The following PRKD1 variants were observed in gnomAD, a reference collection of about 807,000 sequenced individuals.
PRKD1 encodes the protein protein kinase D1, also known as serine/threonine-protein kinase D1.
Under a neutral mutation model 95.9 loss-of-function variants are expected in PRKD1, and 63 were observed. That is an observed-to-expected ratio of 0.66 (90% CI 0.54 to 0.81). The LOEUF is 0.81. Among genes scored for constraint, PRKD1 ranks in the 30% least tolerant of loss-of-function variants. The probability of loss-of-function intolerance (pLI) is 0.00; values close to 1 mark genes in which losing one functional copy is unlikely to be tolerated. For synonymous variants in PRKD1, 425 were observed against 423.1 expected (o/e 1.00, Z -0.05); for missense variants, 1,048 against 1,165.3 (o/e 0.90, Z 1.47).
intron 1 of PRKD1, among the ~76,000 whole-genome samples, chr14:29,775,866 C>T (rs1202437991): frequency 3.3e-5 from 5 of 152,152 alleles, no homozygotes; most frequent in Admixed American, 2.6e-4. Context: ...GCCCCTGACC[C>T]CCGAGTAGCC....
rs575251119 is a variant in PRKD1, at chr14:29,626,647, A to G, written c.1726-91T>C. On this transcript the variant is annotated intron_variant, in intron 11 of 17. Transcript: ENST00000331968. ...TATAATTCTATTAAATATATTATAA[A>G]CTAAGTATTTTAAAAATAAATTATA... is the stretch of plus-strand genomic sequence containing the variant. The G allele has an allele frequency of 2.9e-4, 174 of 606,662 alleles. 4 individuals carry two copies. The South Asian group carries it at 8.0e-3, about 28-fold the overall frequency. 37.6% of individuals were successfully genotyped at this position (606,662 alleles called of 1,614,324 possible).
intron 13 of PRKD1, among the ~76,000 whole-genome samples, chr14:29,617,305 G>A (rs1008493669): frequency 6.6e-6 from 1 of 152,126 alleles, no homozygotes; most frequent in African/African-American, 2.4e-5. Context: ...CACTTTGAGA[G>A]GGATTATAGG....
intron 1 of PRKD1, among the ~76,000 whole-genome samples, chr14:29,894,344 T>C (rs1244556597): frequency 6.6e-6 from 1 of 152,230 alleles, no homozygotes; most frequent in Non-Finnish European, 1.5e-5. Context: ...GTCCATGTCC[T>C]GAATTGTGAC....
chr14:29,611,934 C>A (rs1878498770), intron 13 of PRKD1, among the ~76,000 whole-genome samples: 1 of 152,128 alleles, frequency 6.6e-6, no homozygotes, highest in African/African-American at 2.4e-5. Flanking sequence ...AAAATCCAAT[C>A]TAGGCTTGGC....
At chr14:29,741,765 A>G (rs1235825758) in intron 1 of PRKD1, among the ~76,000 whole-genome samples, 2 of 152,058 alleles carry the variant, frequency 1.3e-5, no homozygotes, top group Non-Finnish European at 2.9e-5. Flanking sequence ...CTTAACTTCC[A>G]TTTTGTTAAT....
chr14:29,763,457 AGGAGGGAAGGGGAGG>A (rs1386006281), intron 1 of PRKD1, among the ~76,000 whole-genome samples: 2 of 55,246 alleles, frequency 3.6e-5, no homozygotes, highest in Non-Finnish European at 6.4e-5. Context: ...GGGAGTGGAA[AGGAGGGAAGGGGAGG>A]GGAGGAGAGG....
intron 1 of PRKD1, among the ~76,000 whole-genome samples, chr14:29,812,202 T>A (rs1296405468): frequency 6.6e-6 from 1 of 152,202 alleles, no homozygotes; most frequent in East Asian, 1.9e-4. Flanking sequence ...CTTTGTATTA[T>A]GTCTTACAAC....
chr14:29,699,740 T>C (rs939147002), intron 2 of PRKD1, among the ~76,000 whole-genome samples: 5 of 152,226 alleles, frequency 3.3e-5, no homozygotes, highest in African/African-American at 1.2e-4. Context: ...ATTTTCTAAA[T>C]AGATATCCAA....
intron 2 of PRKD1, among the ~76,000 whole-genome samples, chr14:29,713,695 T>C (rs1025920905): frequency 6.6e-6 from 1 of 152,174 alleles, no homozygotes; most frequent in Non-Finnish European, 1.5e-5. Context: ...ATCATAATAC[T>C]GCATTGCTCT....
intron 1 of PRKD1, among the ~76,000 whole-genome samples, chr14:29,862,421 G>C (rs1048447498): frequency 6.6e-6 from 1 of 152,112 alleles, no homozygotes; most frequent in African/African-American, 2.4e-5. Context: ...TGTATTGTAT[G>C]GTAGCTCTAT....
chr14:29,631,230 T>G (rs1180114753), intron 9 of PRKD1, among the ~76,000 whole-genome samples: 1 of 152,060 alleles, frequency 6.6e-6, no homozygotes, highest in African/African-American at 2.4e-5. Flanking sequence ...TTCTAGAAAA[T>G]GTGACTTTTT....
chr14:29,643,167 A>T (rs1162546375), intron 4 of PRKD1, among the ~76,000 whole-genome samples: 2 of 151,938 alleles, frequency 1.3e-5, no homozygotes, highest in African/African-American at 4.8e-5. Flanking sequence ...CTTTTGTAAG[A>T]ATTGACATCA....
chr14:29,900,986 G>C (rs554186096), intron 1 of PRKD1, among the ~76,000 whole-genome samples: 8 of 152,014 alleles, frequency 5.3e-5, no homozygotes, highest in South Asian at 4.2e-4. Flanking sequence ...CCTCCTACTG[G>C]GTATATGCCC....
intron 11 of PRKD1, among the ~76,000 whole-genome samples, chr14:29,628,283 T>A (rs1332890942): frequency 6.6e-6 from 1 of 152,216 alleles, no homozygotes; most frequent in Non-Finnish European, 1.5e-5. Context: ...AAACAAATTT[T>A]TAGAAAGTGT....
intron 1 of PRKD1, among the ~76,000 whole-genome samples, chr14:29,745,384 T>C (rs1237408807): frequency 6.6e-6 from 1 of 152,248 alleles, no homozygotes; most frequent in African/African-American, 2.4e-5. Flanking sequence ...ACATGCTCAG[T>C]ATACATTGTT....
At chr14:29,737,328 CAAAAAAAAAAAAAAA>C (rs796557046) in intron 1 of PRKD1, among the ~76,000 whole-genome samples, 859 of 37,994 alleles carry the variant, frequency 0.023, 24 homozygotes, top group African/African-American at 0.073. Flanking sequence ...GACTCCGTCT[CAAAAAAAAAAAAAAA>C]AAAAAAAAAA....
chr14:29,666,347 G>A, intron 2 of PRKD1, 139 bp from the exon 3 acceptor site: 1 of 848,576 alleles, frequency 1.2e-6, no homozygotes, highest in African/African-American at 1.7e-5. Context: ...AACACAGCTT[G>A]CACTTTCAGC....
intron 1 of PRKD1, among the ~76,000 whole-genome samples, chr14:29,786,521 T>C (rs1445248374): frequency 6.6e-6 from 1 of 152,172 alleles, no homozygotes; most frequent in Non-Finnish European, 1.5e-5. Context: ...TCTCATTTCT[T>C]GCTAATGGTC....
intron 1 of PRKD1, among the ~76,000 whole-genome samples, chr14:29,921,574 T>C (rs928575645): frequency 6.6e-6 from 1 of 152,178 alleles, no homozygotes; most frequent in Non-Finnish European, 1.5e-5. Context: ...TTCATTGACT[T>C]ACAAATGTTC....
Sources: allele counts gnomAD v4.1 joint callset (sites outside exome capture counted in the v4.1 genomes callset), GRCh38; gene constraint gnomAD v4.1.1; transcripts MANE v1.5; gene names NCBI Gene and HGNC (gene_info 2026-07-23, HGNC 2026-07-21).